Variants in TMEM17 observed in about 807,000 individuals in gnomAD.
TMEM17 encodes transmembrane protein 17.
TMEM17 carries 15 observed loss-of-function variants against 19.1 expected under a neutral mutation model. The ratio of observed to expected loss-of-function variants is 0.78; its 90% CI spans 0.52 to 1.21. The LOEUF (loss-of-function observed/expected upper bound fraction) is 1.21, where lower values mean the gene tolerates loss of function less well. Ranked by LOEUF, TMEM17 falls within the 50% of genes most tolerant of loss-of-function variation. The probability of loss-of-function intolerance (pLI) is 0.00; values close to 1 mark genes in which losing one functional copy is unlikely to be tolerated. For synonymous variants in TMEM17, 103 were observed against 86.9 expected (o/e 1.19, Z -1.03); for missense variants, 245 against 242.3 (o/e 1.01, Z -0.07).
chr2:62,498,720 A>G (rs1247012388), downstream of TMEM17, among the ~76,000 whole-genome samples: 1 of 141,234 alleles, frequency 7.1e-6, no homozygotes, highest in Non-Finnish European at 1.6e-5. Context: ...CGTCTCAAAA[A>G]TAAAATAAAA....
chr2:62,478,812 G>A, the TMEM17 span, among the ~76,000 whole-genome samples: 19 of 151,832 alleles, frequency 1.3e-4, no homozygotes, highest in Non-Finnish European at 2.2e-4. Flanking sequence ...GAAGTTTACC[G>A]TAACTATTAG....
At chr2:62,479,640 G>GT in the TMEM17 span, among the ~76,000 whole-genome samples, 1 of 152,082 alleles carries the variant, frequency 6.6e-6, no homozygotes, top group Non-Finnish European at 1.5e-5. Context: ...AATCCCTGCA[G>GT]TTTGGGAGGC....
chr2:62,487,793 C>G, the TMEM17 span, among the ~76,000 whole-genome samples: 1 of 152,240 alleles, frequency 6.6e-6, no homozygotes, highest in Non-Finnish European at 1.5e-5. Context: ...CTCCCAGGTT[C>G]AAGCAATCCT....
downstream of TMEM17, among the ~76,000 whole-genome samples, chr2:62,499,935 A>G (rs1679876429): frequency 3.9e-5 from 6 of 152,342 alleles, no homozygotes; most frequent in South Asian, 1.2e-3. Context: ...GAGCATGCTC[A>G]TTTAGGATCA....
the TMEM17 span, among the ~76,000 whole-genome samples, chr2:62,467,320 C>T: frequency 2.0e-5 from 3 of 152,210 alleles, no homozygotes; most frequent in Non-Finnish European, 4.4e-5. Context: ...TTGAGACCCA[C>T]GGATCTAGTC....
At chr2:62,470,811 G>A in the TMEM17 span, among the ~76,000 whole-genome samples, 1 of 152,184 alleles carries the variant, frequency 6.6e-6, no homozygotes, top group African/African-American at 2.4e-5. Flanking sequence ...AAGAGATCAG[G>A]TCAACTTCAT....
chr2:62,461,488 C>A, the TMEM17 span, among the ~76,000 whole-genome samples: 2 of 152,206 alleles, frequency 1.3e-5, no homozygotes, highest in Admixed American at 1.3e-4. Flanking sequence ...ACTGGCCCAT[C>A]CCACACTGAC....
the TMEM17 span, among the ~76,000 whole-genome samples, chr2:62,465,914 T>C: frequency 6.6e-6 from 1 of 152,120 alleles, no homozygotes; most frequent in Non-Finnish European, 1.5e-5. Flanking sequence ...TTTTAATTTT[T>C]TTAAAATAGG....
intron 1 of TMEM17, among the ~76,000 whole-genome samples, chr2:62,505,603 C>T (rs1338513348): frequency 6.6e-6 from 1 of 152,174 alleles, no homozygotes; most frequent in Non-Finnish European, 1.5e-5. Flanking sequence ...GGCTATTCCT[C>T]GTCATCCTGG....
At chr2:62,488,693 G>A in the TMEM17 span, among the ~76,000 whole-genome samples, 1 of 151,312 alleles carries the variant, frequency 6.6e-6, no homozygotes, top group Non-Finnish European at 1.5e-5. Context: ...CGGAAATAAA[G>A]GAATAAAGAA....
chr2:62,488,930 C>G, the TMEM17 span, among the ~76,000 whole-genome samples: 1 of 151,022 alleles, frequency 6.6e-6, no homozygotes, highest in Non-Finnish European at 1.5e-5. Flanking sequence ...ACTTGATTGA[C>G]TTTTAGTCAA....
At chr2:62,468,160 G>A in the TMEM17 span, among the ~76,000 whole-genome samples, 1 of 152,042 alleles carries the variant, frequency 6.6e-6, no homozygotes, top group East Asian at 1.9e-4. Context: ...CCCCTGCTGG[G>A]TGAGCCCTGT....
chr2:62,476,393 C>G, the TMEM17 span, among the ~76,000 whole-genome samples: 3 of 152,206 alleles, frequency 2.0e-5, no homozygotes, highest in African/African-American at 4.8e-5. Context: ...AAGAAGATGG[C>G]TGCTCTTCAG....
At chr2:62,454,861 G>A in the TMEM17 span, among the ~76,000 whole-genome samples, 18 of 152,150 alleles carry the variant, frequency 1.2e-4, no homozygotes, top group South Asian at 2.5e-3. Context: ...CTGCCACCAC[G>A]CCTGGATAAC....
chr2:62,468,898 C>G, the TMEM17 span, among the ~76,000 whole-genome samples: 720 of 152,282 alleles, frequency 4.7e-3, 3 homozygotes, highest in African/African-American at 0.017. Flanking sequence ...GTCCTTGGAA[C>G]AAGAACCAAA....
rs1195100060 is a variant in TMEM17, at chr2:62,500,339, T to C, written c.*870A>G. 6.6e-6 allele frequency: 1 copy of C among 152,232 alleles called. No homozygotes were observed. Among genetic ancestry groups the C allele is most frequent in the Admixed American group, 6.5e-5 (1 of 15,288 alleles). The allele number at this position is 152,232 out of a possible 1,614,324, so 9.4% of individuals were successfully genotyped here. A position where few individuals can be genotyped will look rare whatever the true frequency, so the allele number is the denominator to read the frequency against. On this transcript the variant is annotated 3_prime_UTR_variant, in exon 4 of 4. Coordinates refer to ENST00000335390, the MANE Select transcript of TMEM17 (RefSeq NM_198276.3). ...TTTTATAACAAAAATATTTCCTAAATACCAAGGCAATCCACCTGTTTTCTT... is the reference window on the plus strand; with the variant it reads ...TTTTATAACAAAAATATTTCCTAAACACCAAGGCAATCCACCTGTTTTCTT...
chr2:62,474,164 T>C, the TMEM17 span, among the ~76,000 whole-genome samples: 2 of 152,192 alleles, frequency 1.3e-5, no homozygotes, highest in Non-Finnish European at 2.9e-5. Flanking sequence ...TTTTACTTGT[T>C]TTGAATAAAA....
the TMEM17 span, among the ~76,000 whole-genome samples, chr2:62,458,977 G>T: frequency 6.6e-6 from 1 of 152,202 alleles, no homozygotes; most frequent in Non-Finnish European, 1.5e-5. Flanking sequence ...TATGAATAAA[G>T]CTGCTAGGAA....
chr2:62,485,245 C>A, the TMEM17 span, among the ~76,000 whole-genome samples: 1 of 152,230 alleles, frequency 6.6e-6, no homozygotes, highest in African/African-American at 2.4e-5. Flanking sequence ...CAGCTTGATT[C>A]ATAATGTCTA....
Sources: allele counts gnomAD v4.1 joint callset (sites outside exome capture counted in the v4.1 genomes callset), GRCh38; gene constraint gnomAD v4.1.1; transcripts MANE v1.5; gene names NCBI Gene and HGNC (gene_info 2026-07-23, HGNC 2026-07-21).